The following CPLX2 variants were observed in gnomAD, a reference collection of about 807,000 sequenced individuals.
CPLX2 encodes complexin-2.
Under a neutral mutation model 16.3 loss-of-function variants are expected in CPLX2, and 5 were observed. The ratio of observed to expected loss-of-function variants is 0.31; its 90% CI spans 0.16 to 0.64. The LOEUF (loss-of-function observed/expected upper bound fraction) is 0.64. Among genes scored for constraint, CPLX2 ranks in the 30% least tolerant of loss-of-function variants. The pLI is 0.79. For missense variants in CPLX2, 144 were observed against 181.4 expected (o/e 0.79, Z 1.18); for synonymous variants, 89 against 73.2 (o/e 1.22, Z -1.10).
chr5:175,877,517 C>G (rs1329124122), intron 1 of CPLX2, among the ~76,000 whole-genome samples: 2 of 152,184 alleles, frequency 1.3e-5, no homozygotes, highest in Non-Finnish European at 2.9e-5. Context: ...GACAAAAGGC[C>G]TTGGGGAGCA....
intron 1 of CPLX2, among the ~76,000 whole-genome samples, chr5:175,802,875 A>G (rs1424511355): frequency 6.6e-6 from 1 of 151,282 alleles, no homozygotes; most frequent in Non-Finnish European, 1.5e-5. Context: ...TCTGTCACCC[A>G]GACTGGAGTG....
chr5:175,864,638 G>A (rs1416350159), intron 2 of CPLX2, among the ~76,000 whole-genome samples: 1 of 152,200 alleles, frequency 6.6e-6, no homozygotes, highest in East Asian at 1.9e-4. Context: ...CGAAGTGGGG[G>A]AAGAGAAACT....
At chr5:175,879,445 G>C (rs1053144707) in intron 3 of CPLX2, among the ~76,000 whole-genome samples, 5 of 152,176 alleles carry the variant, frequency 3.3e-5, no homozygotes, top group African/African-American at 1.2e-4. Flanking sequence ...AGCGGGTCTG[G>C]GGCTGCCACC....
At chr5:175,851,644 C>T (rs1226196849) in intron 2 of CPLX2, among the ~76,000 whole-genome samples, 2 of 152,240 alleles carry the variant, frequency 1.3e-5, no homozygotes, top group African/African-American at 4.8e-5. Flanking sequence ...GGCCTTATGC[C>T]AGCCATGGGG....
chr5:175,820,302 T>C (rs1341986492), intron 2 of CPLX2, among the ~76,000 whole-genome samples: 1 of 152,196 alleles, frequency 6.6e-6, no homozygotes, highest in African/African-American at 2.4e-5. Context: ...CTTAGTTTAC[T>C]TGGCACACAC....
intron 2 of CPLX2, among the ~76,000 whole-genome samples, chr5:175,829,620 C>G (rs2113655686): frequency 6.6e-6 from 1 of 152,340 alleles, no homozygotes; most frequent in Admixed American, 6.5e-5. Flanking sequence ...ACCCCTATAT[C>G]TCCATCTGAG....
rs149655059 is a variant in CPLX2, at chr5:175,819,191, C to T, written c.-89+10123C>T. On this transcript the variant is annotated intron_variant, in intron 2 of 4. Coordinates refer to the CPLX2 transcript ENST00000359546. ...TTCAGCTTTAGACTCTTGGGAGAAG[C>T]GCTGCCATGAAGATTCTTGCACGTG... 2.3e-3 allele frequency among the ~76,000 whole-genome samples: 349 copies of T among 152,208 alleles called. 2 individuals are homozygous for T. Among genetic ancestry groups the T allele is most frequent in the African/African-American group, 8.1e-3 (336 of 41,532 alleles).
At chr5:175,862,146 A>C (rs1167731664) in intron 2 of CPLX2, among the ~76,000 whole-genome samples, 1 of 152,218 alleles carries the variant, frequency 6.6e-6, no homozygotes, top group Non-Finnish European at 1.5e-5. Flanking sequence ...TTTTCTCACC[A>C]TGTATCCCCA....
At chr5:175,812,709 T>G (rs1161514710) in intron 2 of CPLX2, among the ~76,000 whole-genome samples, 1 of 152,050 alleles carries the variant, frequency 6.6e-6, no homozygotes, top group Non-Finnish European at 1.5e-5. Context: ...GAAATAATGT[T>G]CCTCAGCATC....
intron 1 of CPLX2, among the ~76,000 whole-genome samples, chr5:175,800,560 G>A (rs1331915236): frequency 6.6e-6 from 1 of 152,058 alleles, no homozygotes; most frequent in East Asian, 1.9e-4. Context: ...TCAAGATAGG[G>A]CATCCCAGCT....
chr5:175,855,852 C>T lies in CPLX2; in HGVS notation c.-88-22800C>T, dbSNP rs536583360. 9.0e-4 allele frequency among the ~76,000 whole-genome samples: 137 copies of T among 152,234 alleles called. 3 individuals are homozygous for T. The South Asian group carries it at 0.027, about 30-fold the overall frequency. ...CCATCCAAACCACATGGCCAGAGAA[C>T]GGGAAAGAGTGGTTCCCCAAGGTAA... On this transcript the variant is annotated intron_variant, in intron 2 of 4. Transcript: ENST00000359546.
chr5:175,875,425 T>G (rs1216953726), intron 1 of CPLX2, among the ~76,000 whole-genome samples: 1 of 152,298 alleles, frequency 6.6e-6, no homozygotes, highest in East Asian at 1.9e-4. Flanking sequence ...CTCACTGACA[T>G]TAATTGTTTT....
At chr5:175,828,634 G>C (rs1758668094) in intron 2 of CPLX2, among the ~76,000 whole-genome samples, 1 of 151,996 alleles carries the variant, frequency 6.6e-6, no homozygotes, top group South Asian at 2.1e-4. Context: ...TTTGAGTTTT[G>C]GCTCAAACAC....
chr5:175,859,496 C>A (rs1297118208), intron 2 of CPLX2, among the ~76,000 whole-genome samples: 1 of 152,234 alleles, frequency 6.6e-6, no homozygotes, highest in Non-Finnish European at 1.5e-5. Flanking sequence ...GAAGTAAGGG[C>A]ACCAAAGGCA....
intron 2 of CPLX2, among the ~76,000 whole-genome samples, chr5:175,810,316 A>AG (rs1157017303): frequency 6.6e-6 from 1 of 152,184 alleles, no homozygotes; most frequent in East Asian, 1.9e-4. Flanking sequence ...TCGGGGACAG[A>AG]GCTGGTGCTA....
At chr5:175,843,821 C>T (rs956197979) in intron 2 of CPLX2, among the ~76,000 whole-genome samples, 2 of 152,358 alleles carry the variant, frequency 1.3e-5, no homozygotes, top group South Asian at 2.1e-4. Flanking sequence ...GAGAGAAGGT[C>T]GTTGTTACCT....
rs183694640 is a variant in CPLX2, at chr5:175,879,964, G to T, written c.324G>T (p.Glu108Asp). 2.6e-4 allele frequency: 418 copies of T among 1,591,264 alleles called. 2 individuals are homozygous for T. In the East Asian group the frequency reaches 9.3e-3, roughly 36 times the overall value. ...KKAIPAGCGD[E>D]EEEEEESILD... ...CCATCCCTGCGGGCTGCGGGGACGA[G>T]GAGGAGGAGGAAGAGGAGAGCATCC... The change falls in exon 4 of 4, where the codon GAG (glutamate) becomes GAT (aspartate). Residue 108 changes from glutamate (E) to aspartate (D), a missense_variant. Coordinates refer to ENST00000393745, the MANE Select transcript of CPLX2 (RefSeq NM_001008220.2).
At chr5:175,803,830 G>T (rs1758144553) in intron 1 of CPLX2, among the ~76,000 whole-genome samples, 1 of 152,228 alleles carries the variant, frequency 6.6e-6, no homozygotes. Context: ...CTCTAGAGCA[G>T]GTCAGCCAAG....
chr5:175,817,884 T>A (rs1415109971), intron 2 of CPLX2, among the ~76,000 whole-genome samples: 5 of 152,126 alleles, frequency 3.3e-5, no homozygotes, highest in Admixed American at 1.3e-4. Flanking sequence ...AGAAAAGAAA[T>A]CTCAGGAAGA....
Sources: allele counts gnomAD v4.1 joint callset (sites outside exome capture counted in the v4.1 genomes callset), GRCh38; gene constraint gnomAD v4.1.1; transcripts MANE v1.5; gene names NCBI Gene and HGNC (gene_info 2026-07-23, HGNC 2026-07-21).